Variants in GRM8 observed in about 807,000 individuals in gnomAD.
The protein encoded by GRM8 is metabotropic glutamate receptor 8.
A neutral mutation model predicts 87.2 loss-of-function variants in GRM8; 47 were observed. That is an observed-to-expected ratio of 0.54 (90% CI 0.43 to 0.69). GRM8 has a LOEUF of 0.69. Among genes scored for constraint, GRM8 ranks in the 30% least tolerant of loss-of-function variants. The probability of loss-of-function intolerance (pLI) is 0.00; values close to 1 mark genes in which losing one functional copy is unlikely to be tolerated. For missense variants in GRM8, 1,019 were observed against 1,139.2 expected, an observed-to-expected ratio of 0.89 and a Z score of 1.52; for synonymous variants, 396 against 404.5, an observed-to-expected ratio of 0.98 and a Z score of 0.25.
chr7:126,596,191 G>A (rs946067355), intron 8 of GRM8, among the ~76,000 whole-genome samples: 3 of 152,152 alleles, frequency 2.0e-5, no homozygotes, highest in Non-Finnish European at 4.4e-5. Context: ...GATTGCTGGG[G>A]TGAATGGTAA....
intron 7 of GRM8, among the ~76,000 whole-genome samples, chr7:126,664,082 T>C (rs772426789): frequency 6.6e-5 from 10 of 151,978 alleles, no homozygotes; most frequent in Admixed American, 3.9e-4. Flanking sequence ...ATATTTAACC[T>C]AGGAGGTGAA....
At chr7:126,560,982 T>G (rs1793629797) in intron 8 of GRM8, among the ~76,000 whole-genome samples, 1 of 152,218 alleles carries the variant, frequency 6.6e-6, no homozygotes, top group South Asian at 2.1e-4. Flanking sequence ...ATACTAGAAA[T>G]CAGATCTTTT....
chr7:126,843,548 C>T (rs768540812), intron 6 of GRM8, among the ~76,000 whole-genome samples: 4 of 152,246 alleles, frequency 2.6e-5, no homozygotes, highest in Non-Finnish European at 5.9e-5. Flanking sequence ...TGAACACCCA[C>T]CAGCTGAAGC....
intron 6 of GRM8, among the ~76,000 whole-genome samples, chr7:126,774,715 C>T (rs1343303087): frequency 6.6e-6 from 1 of 151,974 alleles, no homozygotes; most frequent in Non-Finnish European, 1.5e-5. Context: ...GGGTTTTGTT[C>T]CTTTTCAGTA....
At chr7:127,052,144 T>C (rs1425652573) in intron 3 of GRM8, among the ~76,000 whole-genome samples, 1 of 152,138 alleles carries the variant, frequency 6.6e-6, no homozygotes, top group Non-Finnish European at 1.5e-5. Flanking sequence ...TTTATCCGAG[T>C]TGTAAACCCA....
chr7:126,784,294 T>C (rs1820399149), intron 6 of GRM8, among the ~76,000 whole-genome samples: 1 of 152,218 alleles, frequency 6.6e-6, no homozygotes, highest in Non-Finnish European at 1.5e-5. Context: ...ATCTTTAAAC[T>C]TTCAATGCAT....
intron 7 of GRM8, among the ~76,000 whole-genome samples, chr7:126,625,332 C>T (rs1800567981): frequency 6.6e-6 from 1 of 151,824 alleles, no homozygotes; most frequent in South Asian, 2.1e-4. Context: ...TTTACCTTGG[C>T]TAAAATACAC....
At chr7:126,957,657 G>A (rs1209105730) in intron 3 of GRM8, among the ~76,000 whole-genome samples, 1 of 152,218 alleles carries the variant, frequency 6.6e-6, no homozygotes, top group African/African-American at 2.4e-5. Context: ...CCAGGCCCCT[G>A]CTGCCTCAGC....
chr7:126,761,207 T>TA (rs1277249609), intron 7 of GRM8, among the ~76,000 whole-genome samples: 120 of 140,788 alleles, frequency 8.5e-4, no homozygotes, highest in Non-Finnish European at 9.2e-4. Flanking sequence ...CTTAAAAAAT[T>TA]AAAAAAAAAA....
intron 7 of GRM8, among the ~76,000 whole-genome samples, chr7:126,653,620 T>C (rs1409771209): frequency 1.3e-5 from 2 of 152,222 alleles, no homozygotes; most frequent in East Asian, 3.8e-4. Context: ...CAGCTGCTTC[T>C]ATGGCTTACA....
In GRM8 at chr7:126,902,559, T is replaced by C. The variant is rs1406935765; in HGVS notation, c.1139A>G (p.His380Arg). Residue 380 changes from histidine to arginine, a missense_variant, in exon 6 of 11, where the codon CAT (histidine) becomes CGT (arginine). His to Arg is a conservative substitution (Grantham distance 29). Transcript: ENST00000339582. The part of the protein sequence containing the change: ...KLGSHGKRNS[H>R]IKKCTGLERI... ...GTGGTTACCTGTGCATTTCTTTATA[T>C]GACTGTTCCTTTTCCCATGTGATCC... 1 of 1,604,862 alleles carries C rather than the reference T, an allele frequency of 6.2e-7. No homozygotes were observed. The highest frequency in any genetic ancestry group is 8.5e-7 in the Non-Finnish European group (1 of 1,176,300).
intron 3 of GRM8, among the ~76,000 whole-genome samples, chr7:126,998,709 T>C (rs936828532): frequency 6.6e-6 from 1 of 151,318 alleles, no homozygotes; most frequent in Admixed American, 6.6e-5. Context: ...CTTAAAGAAC[T>C]GAAAAAAACT....
At chr7:127,216,517 C>CAAAAAAAAAAAAAAAAACAAAAAAAAAAA (rs1223816981) in intron 2 of GRM8, among the ~76,000 whole-genome samples, 1 of 62,970 alleles carries the variant, frequency 1.6e-5, no homozygotes, top group Non-Finnish European at 3.4e-5. Flanking sequence ...GACTCCGTCT[C>CAAAAAAAAAAAAAAAAACAAAAAAAAAAA]AAAAAAAAAA....
intron 3 of GRM8, among the ~76,000 whole-genome samples, chr7:127,017,023 TC>T (rs1815750420): frequency 6.6e-6 from 1 of 152,080 alleles, no homozygotes; most frequent in African/African-American, 2.4e-5. Flanking sequence ...GTGCTAACTT[TC>T]CTAAGTTTCA....
At chr7:126,777,213 T>C (rs561579502) in intron 6 of GRM8, among the ~76,000 whole-genome samples, 2 of 152,224 alleles carry the variant, frequency 1.3e-5, no homozygotes, top group East Asian at 3.9e-4. Context: ...GAATCAATTA[T>C]GGAAAATAAG....
chr7:126,993,340 C>A (rs1274812377), intron 3 of GRM8, among the ~76,000 whole-genome samples: 1 of 152,124 alleles, frequency 6.6e-6, no homozygotes, highest in African/African-American at 2.4e-5. Flanking sequence ...AATAGAATGT[C>A]ATTCAGCCAT....
chr7:126,460,855 CTGACA>C (rs1803816856), intron 9 of GRM8, among the ~76,000 whole-genome samples: 2 of 151,520 alleles, frequency 1.3e-5, no homozygotes, highest in African/African-American at 2.4e-5. Context: ...AGCCCTGCAA[CTGACA>C]TAAGTTCTCA....
chr7:126,592,576 T>C (rs1238799819), intron 8 of GRM8, among the ~76,000 whole-genome samples: 2 of 151,868 alleles, frequency 1.3e-5, no homozygotes, highest in Non-Finnish European at 2.9e-5. Context: ...TTGACAACAT[T>C]CAACATACTT....
At chr7:126,442,761 A>G (rs511) in intron 10 of GRM8, among the ~76,000 whole-genome samples, 152,054 of 152,104 alleles carry the variant, frequency 1, 76,002 homozygotes, top group Middle Eastern at 1. Flanking sequence ...ACTCTTAAAC[A>G]TGGTTTCTAG....
Sources: gnomAD v4.1 joint callset for allele counts (sites outside exome capture counted in the v4.1 genomes callset) on GRCh38, gnomAD v4.1.1 for gene constraint, MANE v1.5 for transcripts, NCBI Gene and HGNC (gene_info 2026-07-23, HGNC 2026-07-21) for gene names.